Variants in EYS observed in about 807,000 individuals in gnomAD.
The protein encoded by EYS is protein eyes shut homolog.
In EYS, 250 loss-of-function variants were observed where a neutral mutation model predicts 282.1. The observed-to-expected ratio is 0.89, with a 90% CI of 0.80 to 0.98. The LOEUF is 0.98. EYS is among the 50% of genes least tolerant of loss of function. The pLI, the probability that EYS is intolerant of heterozygous loss-of-function variation, is 0.00. For missense variants in EYS, 4,016 were observed against 3,709.0 expected (o/e 1.08, Z -2.15); for synonymous variants, 1,355 against 1,282.9 (o/e 1.06, Z -1.20).
intron 33 of EYS, among the ~76,000 whole-genome samples, chr6:64,032,962 C>T (rs1281599999): frequency 6.6e-6 from 1 of 152,162 alleles, no homozygotes; most frequent in Non-Finnish European, 1.5e-5. Context: ...ACTCCCCAGC[C>T]ACTCTCTCCT....
intron 24 of EYS, among the ~76,000 whole-genome samples, chr6:64,608,045 A>G (rs1281832403): frequency 4.0e-5 from 6 of 149,740 alleles, no homozygotes; most frequent in African/African-American, 9.7e-5. Context: ...CTCAAGTGAT[A>G]TTTTAAATCA....
intron 12 of EYS, among the ~76,000 whole-genome samples, chr6:65,128,719 T>A (rs1381251281): frequency 6.6e-6 from 1 of 151,990 alleles, no homozygotes; most frequent in East Asian, 1.9e-4. Flanking sequence ...GAATCAATAT[T>A]ACTAAGATGG....
intron 24 of EYS, among the ~76,000 whole-genome samples, chr6:64,609,199 C>CT (rs1767028865): frequency 6.6e-6 from 1 of 151,952 alleles, no homozygotes; most frequent in South Asian, 2.1e-4. Flanking sequence ...TTCTGTGTAC[C>CT]TAAAGCTCTT....
intron 2 of EYS, among the ~76,000 whole-genome samples, chr6:65,510,511 G>C (rs1331092434): frequency 6.6e-6 from 1 of 152,046 alleles, no homozygotes; most frequent in Admixed American, 6.6e-5. Context: ...AATATCATTT[G>C]ATTCACACTT....
intron 30 of EYS, among the ~76,000 whole-genome samples, chr6:64,237,864 T>C (rs1030490748): frequency 6.6e-6 from 1 of 152,132 alleles, no homozygotes. Flanking sequence ...GGAGGAAATA[T>C]GCAAAATTAC....
At chr6:64,634,993 T>A (rs1201764427) in intron 22 of EYS, among the ~76,000 whole-genome samples, 1 of 152,114 alleles carries the variant, frequency 6.6e-6, no homozygotes, top group East Asian at 1.9e-4. Flanking sequence ...TCCTCTTTTA[T>A]TTCATTGAGC....
At chr6:64,033,287 A>C (rs988118355) in intron 33 of EYS, among the ~76,000 whole-genome samples, 2 of 152,212 alleles carry the variant, frequency 1.3e-5, no homozygotes, top group African/African-American at 4.8e-5. Flanking sequence ...TCGTAAGTCT[A>C]CTTCCGTTAG....
At chr6:64,371,286 G>T (rs1245276919) in intron 29 of EYS, among the ~76,000 whole-genome samples, 1 of 148,200 alleles carries the variant, frequency 6.7e-6, no homozygotes, top group Non-Finnish European at 1.5e-5. Context: ...AAGTCATTCA[G>T]GAGCAGGTTG....
chr6:64,087,863 C>G (rs934988038), intron 31 of EYS, among the ~76,000 whole-genome samples: 14 of 151,882 alleles, frequency 9.2e-5, no homozygotes, highest in African/African-American at 3.4e-4. Flanking sequence ...TTAGGTTTTA[C>G]TTATTCTGAG....
chr6:63,878,891 T>G (rs1773053377), intron 35 of EYS, among the ~76,000 whole-genome samples: 1 of 152,124 alleles, frequency 6.6e-6, no homozygotes, highest in South Asian at 2.1e-4. Flanking sequence ...CTCCCTTGGC[T>G]AGGAAAGGGA....
At chr6:64,383,788 T>C (rs567796795) in intron 29 of EYS, among the ~76,000 whole-genome samples, 158 of 152,332 alleles carry the variant, frequency 1.0e-3, no homozygotes, top group Non-Finnish European at 2.0e-3. Context: ...TGTTGAATGT[T>C]GTTACCTTTC....
At chr6:65,490,548 A>G (rs1426657630) in intron 5 of EYS, 46 bp downstream of exon 5, 1 of 1,019,560 alleles carries the variant, frequency 9.8e-7, no homozygotes, top group Non-Finnish European at 1.5e-6. Context: ...CATAGATAAA[A>G]TTAAAGTTAC....
At chr6:65,515,354 T>C (rs920529445) in intron 2 of EYS, among the ~76,000 whole-genome samples, 9 of 152,132 alleles carry the variant, frequency 5.9e-5, no homozygotes, top group African/African-American at 2.2e-4. Context: ...GACTGTAAAC[T>C]AGTTCAACCA....
At chr6:64,271,732 A>G (rs1018416623) in intron 30 of EYS, among the ~76,000 whole-genome samples, 2 of 152,130 alleles carry the variant, frequency 1.3e-5, no homozygotes, top group African/African-American at 4.8e-5. Flanking sequence ...GCATTAAACT[A>G]AACACTTTAT....
chr6:65,088,063 C>G (rs553744972), intron 12 of EYS, among the ~76,000 whole-genome samples: 1 of 152,252 alleles, frequency 6.6e-6, no homozygotes, highest in Middle Eastern at 3.4e-3. Flanking sequence ...CTCCTTTGTC[C>G]TCTGCTATTT....
chr6:63,949,497 G>A (rs1765500740), intron 35 of EYS, among the ~76,000 whole-genome samples: 1 of 152,034 alleles, frequency 6.6e-6, no homozygotes, highest in Non-Finnish European at 1.5e-5. Context: ...GACTGGGTTA[G>A]GTGCCTCCTA....
Position 63,892,329 on chromosome 6 carries a change from AAT to A in EYS, c.7056-27973_7056-27972del, listed in dbSNP as rs1374877512. On this transcript the variant is annotated intron_variant, in intron 35 of 42. Coordinates refer to ENST00000503581, the MANE Select transcript of EYS (RefSeq NM_001142800.2). ...GCATCACACTACCTGACTTCAAATT[AAT>A]CTACAAGGCTACAGTAACCAAAACA... Among the ~76,000 whole-genome samples the A allele has an allele frequency of 6.8e-3, 1,035 of 152,290 alleles. 11 individuals are homozygous for A. Among genetic ancestry groups the A allele is most frequent in the African/African-American group, 0.023 (948 of 41,554 alleles).
chr6:64,821,677 C>G lies in EYS; in HGVS notation c.3211G>C (p.Gly1071Arg). Residue 1071 changes from glycine (G) to arginine (R), a missense_variant, in exon 21 of 43, where the codon GGG (glycine) becomes CGG (arginine). Physicochemically the swap from Gly to Arg is moderately radical, Grantham distance 125 (BLOSUM62 -2). Coordinates refer to ENST00000503581, the MANE Select transcript of EYS (RefSeq NM_001142800.2). Reference protein sequence around the residue: ...NEYPCSCDADGTSTQCKIKIN... With the variant: ...NEYPCSCDADRTSTQCKIKIN... ...TTGATCTTACATTGTGTGCTAGTCC[C>G]ATCTGCATCACATGAACATGGATAT... The G allele has an allele frequency of 6.6e-7, 1 of 1,522,848 alleles. No individual in the cohort carries two copies. Among genetic ancestry groups the G allele is most frequent in the South Asian group, 1.2e-5 (1 of 81,658 alleles). 94.3% of individuals were successfully genotyped at this position (1,522,848 alleles called of 1,614,324 possible). A position where few individuals can be genotyped will look rare whatever the true frequency, so the allele number is the denominator to read the frequency against.
intron 18 of EYS, among the ~76,000 whole-genome samples, chr6:64,896,108 A>G (rs1346201762): frequency 6.6e-6 from 1 of 152,208 alleles, no homozygotes; most frequent in Non-Finnish European, 1.5e-5. Flanking sequence ...AAGCCATAAG[A>G]AGAAAAAACA....
Sources: gnomAD v4.1 joint callset for allele counts (sites outside exome capture counted in the v4.1 genomes callset) on GRCh38, gnomAD v4.1.1 for gene constraint, MANE v1.5 for transcripts, NCBI Gene and HGNC (gene_info 2026-07-23, HGNC 2026-07-21) for gene names.